Variants in SETD5 observed in about 807,000 individuals in gnomAD.
SETD5 encodes the protein histone-lysine N-methyltransferase SETD5.
SETD5 carries 44 observed loss-of-function variants against 153.3 expected under a neutral mutation model. The observed-to-expected ratio is 0.29, with a 90% CI of 0.23 to 0.37. The LOEUF (loss-of-function observed/expected upper bound fraction) is 0.37, where lower values mean the gene tolerates loss of function less well. Ranked by LOEUF, SETD5 falls within the 10% of genes least tolerant of loss-of-function variation. The pLI is 1.00. For synonymous variants in SETD5, 716 were observed against 645.2 expected, an observed-to-expected ratio of 1.11 and a Z score of -1.66; for missense variants, 1,544 against 1,768.0, an observed-to-expected ratio of 0.87 and a Z score of 2.27.
intron 9 of SETD5, 44 bp from the exon 10 acceptor site, chr3:9,442,084 C>T (rs1040923000): frequency 1.5e-6 from 2 of 1,369,704 alleles, no homozygotes; most frequent in African/African-American, 1.4e-5. Context: ...GGGTGGCCTT[C>T]TTATTTGTGT....
chr3:9,422,192 A>C (rs1195526011), intron 1 of SETD5, among the ~76,000 whole-genome samples: 3 of 152,208 alleles, frequency 2.0e-5, no homozygotes, highest in Non-Finnish European at 2.9e-5. Flanking sequence ...AATCGTGGCT[A>C]ATAAGATGAA....
chr3:9,447,927 C>G lies in SETD5; in HGVS notation c.2024C>G (p.Thr675Arg). 1 of 1,613,952 alleles carries G rather than the reference C, an allele frequency of 6.2e-7. No homozygotes were observed. Among genetic ancestry groups the G allele is most frequent in the Non-Finnish European group, 8.5e-7 (1 of 1,179,876 alleles). Residue 675 changes from threonine (T) to arginine (R), a missense_variant, in exon 15 of 23, where the codon ACA becomes AGA. Thr to Arg is a moderately conservative substitution (Grantham distance 71). This residue lies in a region of SETD5 where 782 missense variants were observed against 787.2 expected (regional missense o/e 0.99). Coordinates refer to ENST00000402198, the MANE Select transcript of SETD5 (RefSeq NM_001080517.3). ...AGTTCAGGAGAAAACAGGCCATTAACAGGGTCTGACCCAACTGTGGTGTCA... is the reference window on the plus strand; with the variant it reads ...AGTTCAGGAGAAAACAGGCCATTAAGAGGGTCTGACCCAACTGTGGTGTCA... ...LDSSGENRPL[T>R]GSDPTVVSIT...
At chr3:9,458,150 C>T (rs1217879491) in intron 17 of SETD5, among the ~76,000 whole-genome samples, 2 of 152,012 alleles carry the variant, frequency 1.3e-5, no homozygotes, top group African/African-American at 4.8e-5. Context: ...TAGCTGGACA[C>T]GGTGGCACGT....
At chr3:9,403,312 G>A (rs1447727570) in intron 1 of SETD5, among the ~76,000 whole-genome samples, 1 of 152,110 alleles carries the variant, frequency 6.6e-6, no homozygotes, top group Non-Finnish European at 1.5e-5. Context: ...CCCACACTCT[G>A]CACCCTCCTA....
chr3:9,437,501 G>A (rs2040714412), intron 7 of SETD5, among the ~76,000 whole-genome samples: 1 of 146,996 alleles, frequency 6.8e-6, no homozygotes, highest in African/African-American at 2.6e-5. Context: ...ATTTGATTAT[G>A]CTGTCTGGTA....
chr3:9,476,272 T>G lies in SETD5; in HGVS notation c.*181T>G. 1.3e-6 allele frequency: 1 copy of G among 778,836 alleles called. No homozygotes were observed. The highest frequency in any genetic ancestry group is 2.0e-6 in the Non-Finnish European group (1 of 504,270). The allele number at this position is 778,836 out of a possible 1,614,324, so 48.2% of individuals were successfully genotyped here. A position where few individuals can be genotyped will look rare whatever the true frequency, so the allele number is the denominator to read the frequency against. ...ATTGGCCTCTGGCCTTGGAGAAAGC[T>G]GTAAATCTTGTCTGAAGCAGAGACT... On this transcript the variant is annotated 3_prime_UTR_variant, in exon 23 of 23. Coordinates refer to ENST00000402198, the MANE Select transcript of SETD5 (RefSeq NM_001080517.3).
At chr3:9,423,637 C>A (rs192807971) in intron 1 of SETD5, among the ~76,000 whole-genome samples, 1 of 151,784 alleles carries the variant, frequency 6.6e-6, no homozygotes, top group South Asian at 2.1e-4. Context: ...TATTTTAAAT[C>A]GTTTCTAAAA....
chr3:9,454,509 A>G (rs556575213), intron 17 of SETD5, among the ~76,000 whole-genome samples: 15 of 150,962 alleles, frequency 9.9e-5, no homozygotes, highest in Non-Finnish European at 2.2e-4. Context: ...ATCCCTCCCT[A>G]AACAGGAGGC....
chr3:9,442,014 T>G, intron 9 of SETD5, 114 bp from the exon 10 acceptor site: 2 of 767,948 alleles, frequency 2.6e-6, no homozygotes, highest in East Asian at 5.4e-5. Context: ...TTCCCAAGTT[T>G]AGGCGTTGCA....
At chr3:9,439,638 C>T (rs943429583) in intron 7 of SETD5, among the ~76,000 whole-genome samples, 14 of 152,168 alleles carry the variant, frequency 9.2e-5, no homozygotes, top group African/African-American at 3.4e-4. Flanking sequence ...CTCTGTAGCT[C>T]AGGCACTGTC....
In SETD5 at chr3:9,440,447, T is replaced by G. The variant is rs781103102; in HGVS notation, c.568-9T>G. 1 of 1,455,438 alleles carries G rather than the reference T, an allele frequency of 6.9e-7. No homozygotes were observed. Among genetic ancestry groups the G allele is most frequent in the South Asian group, 1.1e-5 (1 of 87,834 alleles). 90.2% of individuals were successfully genotyped at this position (1,455,438 alleles called of 1,614,324 possible). A position where few individuals can be genotyped will look rare whatever the true frequency, so the allele number is the denominator to read the frequency against. On this transcript the variant is annotated splice_polypyrimidine_tract_variant and intron_variant, in intron 7 of 22. Coordinates refer to ENST00000402198, the MANE Select transcript of SETD5 (RefSeq NM_001080517.3). ...ACTTTACTAACCTCCCTGAATTTGT[T>G]TTCTACAGAATTCTCCCTCTGAAGC...
chr3:9,427,320 G>T (rs1219830345), intron 2 of SETD5, among the ~76,000 whole-genome samples: 1 of 152,232 alleles, frequency 6.6e-6, no homozygotes, highest in Non-Finnish European at 1.5e-5. Flanking sequence ...AGGCTGAGGT[G>T]TGAGTGGATC....
chr3:9,446,306 A>ACC (rs35399055), intron 13 of SETD5, among the ~76,000 whole-genome samples: 1 of 120,178 alleles, frequency 8.3e-6, no homozygotes. Flanking sequence ...AAAAAAAAAA[A>ACC]AATCTGGTTT....
intron 3 of SETD5, chr3:9,433,505 G>A (rs1208726493): frequency 7.7e-7 from 1 of 1,292,558 alleles, no homozygotes; most frequent in Non-Finnish European, 1.0e-6. Context: ...AAGAAGAATA[G>A]TTCTGAGTCT....
intron 20 of SETD5, among the ~76,000 whole-genome samples, chr3:9,474,235 C>T (rs1276584142): frequency 1.3e-5 from 2 of 152,088 alleles, no homozygotes; most frequent in African/African-American, 4.8e-5. Context: ...CCCACTTTTT[C>T]CTTGATTTCT....
intron 1 of SETD5, among the ~76,000 whole-genome samples, chr3:9,414,485 A>G (rs1179716197): frequency 6.6e-6 from 1 of 152,180 alleles, no homozygotes; most frequent in East Asian, 1.9e-4. Flanking sequence ...TTGGCACAAC[A>G]GGTGAAAGGG....
At chr3:9,445,456 T>G (rs987331960) in intron 12 of SETD5, 156 bp downstream of exon 12, 2 of 994,582 alleles carry the variant, frequency 2.0e-6, no homozygotes, top group African/African-American at 1.6e-5. Flanking sequence ...TCTTTCTGTT[T>G]TACAAAGTCA....
chr3:9,445,630 C>G, intron 12 of SETD5, 27 bp from the exon 13 acceptor site: 1 of 1,581,758 alleles, frequency 6.3e-7, no homozygotes, highest in Non-Finnish European at 8.7e-7. Flanking sequence ...AGCTTGAGTA[C>G]AGCTGAATAT....
chr3:9,405,671 AT>A (rs2035537013), intron 1 of SETD5, among the ~76,000 whole-genome samples: 1 of 152,198 alleles, frequency 6.6e-6, no homozygotes, highest in Admixed American at 6.5e-5. Context: ...ATTCTTAGAT[AT>A]TATGATCTAG....
Sources: gnomAD v4.1 joint callset for allele counts (sites outside exome capture counted in the v4.1 genomes callset) on GRCh38, gnomAD v4.1.1 for gene constraint, gnomAD v4.1.1 regional missense constraint, MANE v1.5 for transcripts, NCBI Gene and HGNC (gene_info 2026-07-23, HGNC 2026-07-21) for gene names.